The following WRN variants were observed in gnomAD, a reference collection of about 807,000 sequenced individuals.
WRN encodes the protein bifunctional 3'-5' exonuclease/ATP-dependent helicase WRN.
A neutral mutation model predicts 180.7 loss-of-function variants in WRN; 149 were observed. The ratio of observed to expected loss-of-function variants is 0.82; its 90% CI spans 0.72 to 0.94. The LOEUF is 0.94. Ranked by LOEUF, WRN falls within the 40% of genes least tolerant of loss-of-function variation. The probability of loss-of-function intolerance (pLI) is 0.00; values close to 1 mark genes in which losing one functional copy is unlikely to be tolerated. For missense variants in WRN, 1,661 were observed against 1,700.1 expected, an observed-to-expected ratio of 0.98 and a Z score of 0.40; for synonymous variants, 548 against 568.9, an observed-to-expected ratio of 0.96 and a Z score of 0.52.
chr8:31,146,135 G>C (rs1802847759), intron 28 of WRN, among the ~76,000 whole-genome samples: 1 of 151,672 alleles, frequency 6.6e-6, no homozygotes, highest in East Asian at 1.9e-4. Flanking sequence ...CCTGGCGTGT[G>C]CCTTCTTATT....
chr8:31,088,146 C>G (rs888875574), intron 12 of WRN, among the ~76,000 whole-genome samples: 2 of 152,130 alleles, frequency 1.3e-5, no homozygotes, highest in Non-Finnish European at 2.9e-5. Context: ...ATATCTTTCC[C>G]TTTGTTTTTT....
intron 19 of WRN, 141 bp downstream of exon 19, chr8:31,111,940 A>G: frequency 9.6e-7 from 1 of 1,036,852 alleles, no homozygotes; most frequent in Admixed American, 2.3e-5. Context: ...GGTTCAAGTC[A>G]AGCATGATGT....
intron 19 of WRN, among the ~76,000 whole-genome samples, chr8:31,115,701 G>A (rs757554669): frequency 6.6e-6 from 1 of 152,044 alleles, no homozygotes; most frequent in East Asian, 1.9e-4. Context: ...ATTTTTAGGC[G>A]TTAAGTAAAA....
In WRN at chr8:31,090,956, T is replaced by C. The variant is rs780773194; in HGVS notation, c.1829+14T>C. 6.3e-6 allele frequency: 10 copies of C among 1,578,586 alleles called. No homozygotes were observed. Among genetic ancestry groups the C allele is most frequent in the Middle Eastern group, 3.3e-4 (2 of 6,000 alleles). Reference sequence around the variant, plus strand: ...GCTACAGCTTAAGTAAGTCATGTTATCATTGCCACAATATCACCCTCTTTT... The same window carrying C: ...GCTACAGCTTAAGTAAGTCATGTTACCATTGCCACAATATCACCCTCTTTT... On this transcript the variant is annotated intron_variant, in intron 15 of 34. Coordinates refer to ENST00000298139, the MANE Select transcript of WRN (RefSeq NM_000553.6).
At chr8:31,139,555 C>A (rs1251822613) in intron 24 of WRN, among the ~76,000 whole-genome samples, 2 of 152,084 alleles carry the variant, frequency 1.3e-5, no homozygotes, top group Non-Finnish European at 2.9e-5. Flanking sequence ...AGCACCTAAC[C>A]CCAGACTACA....
Position 31,124,124 on chromosome 8 carries a change from A to G in WRN, c.2631-398A>G, listed in dbSNP as rs146059092. Among the ~76,000 whole-genome samples the G allele has an allele frequency of 3.8e-4, 58 of 152,268 alleles. No individual in the cohort carries two copies. The East Asian group carries it at 9.8e-3, about 26-fold the overall frequency. ...TGCTTTTAGTTTCTCATACAAAATA[A>G]AATAAAGAATAACCTTTTTACTGGG... On this transcript the variant is annotated intron_variant, in intron 21 of 34. Transcript: ENST00000298139.
At position 31,139,999 on chromosome 8, in the gene WRN, C is replaced by CTTTTT. The variant is rs1563375284; in HGVS notation, c.2968-1428_2968-1427insTTTTT. ...CATAAAGCTCTATGTTTGTATACTTCTTTGTTTTTTTTTTTTTTTTTTTTT... is the reference window on the plus strand; with the variant it reads ...CATAAAGCTCTATGTTTGTATACTTCTTTTTTTTGTTTTTTTTTTTTTTTTTTTTT... On this transcript the variant is annotated intron_variant, in intron 24 of 34. Transcript: ENST00000298139. Among the ~76,000 whole-genome samples the CTTTTT allele has an allele frequency of 2.8e-3, 206 of 74,742 alleles. 3 individuals carry two copies. The highest frequency in any genetic ancestry group is 0.01 in the African/African-American group (191 of 18,738). The allele number at this position is 74,742 out of a possible 152,430, so 49.0% of individuals were successfully genotyped here. A position where few individuals can be genotyped will look rare whatever the true frequency, so the allele number is the denominator to read the frequency against.
intron 34 of WRN, among the ~76,000 whole-genome samples, chr8:31,170,194 A>G (rs561682981): frequency 3.3e-5 from 5 of 152,142 alleles, no homozygotes; most frequent in East Asian, 3.9e-4. Context: ...AATGTCGACA[A>G]TGGATTTTGG....
chr8:31,174,123 T>C lies in WRN; in HGVS notation c.*1021T>C, dbSNP rs546577944. On this transcript the variant is annotated 3_prime_UTR_variant, in exon 35 of 35. Transcript: ENST00000298139. ...TGTATCCCACCAGACTTTTTTATAT[T>C]CATTTGTTTTTAGTTAAAATATAAA... is the stretch of plus-strand genomic sequence containing the variant. 6.6e-6 allele frequency among the ~76,000 whole-genome samples: 1 copy of C among 152,380 alleles called. No individual in the cohort carries two copies. The highest frequency in any genetic ancestry group is 2.1e-4 in the South Asian group (1 of 4,828).
chr8:31,043,206 A>G (rs1811722901), intron 1 of WRN, among the ~76,000 whole-genome samples: 1 of 152,198 alleles, frequency 6.6e-6, no homozygotes, highest in Admixed American at 6.5e-5. Context: ...ACTTGCATCA[A>G]CCATGACCAC....
At chr8:31,103,387 A>G (rs1585459737) in intron 18 of WRN, among the ~76,000 whole-genome samples, 1 of 152,250 alleles carries the variant, frequency 6.6e-6, no homozygotes, top group Non-Finnish European at 1.5e-5. Flanking sequence ...GTAGTGCAGT[A>G]GGTTTATTGA....
At chr8:31,152,425 G>C (rs1803175027) in intron 31 of WRN, among the ~76,000 whole-genome samples, 1 of 151,964 alleles carries the variant, frequency 6.6e-6, no homozygotes, top group South Asian at 2.1e-4. Flanking sequence ...AGGGTAGTTA[G>C]AAAATATCTA....
chr8:31,142,829 G>C, intron 27 of WRN, 128 bp downstream of exon 27: 1 of 791,714 alleles, frequency 1.3e-6, no homozygotes, highest in South Asian at 2.2e-5. Context: ...ATAAAATTCG[G>C]CCAGGGAAGT....
intron 23 of WRN, among the ~76,000 whole-genome samples, chr8:31,127,209 A>G (rs1801960617): frequency 6.6e-6 from 1 of 152,330 alleles, no homozygotes; most frequent in Middle Eastern, 3.4e-3. Context: ...TTTGAAACAT[A>G]AAACTATACT....
intron 8 of WRN, 81 bp from the exon 9 acceptor site, chr8:31,080,786 T>C: frequency 8.2e-7 from 1 of 1,216,348 alleles, no homozygotes. Flanking sequence ...AGAAAGCTTT[T>C]ACTTGTTAAA....
At chr8:31,044,342 C>A in intron 1 of WRN, among the ~76,000 whole-genome samples, 1 of 68,338 alleles carries the variant, frequency 1.5e-5, no homozygotes, top group African/African-American at 5.4e-5. Context: ...GCCCGACCTT[C>A]TTTTTTTTTT....
intron 11 of WRN, among the ~76,000 whole-genome samples, chr8:31,086,228 A>C (rs765438051): frequency 3.3e-5 from 5 of 151,996 alleles, no homozygotes; most frequent in African/African-American, 9.7e-5. Context: ...AATGAGATTA[A>C]TTTATTGACT....
chr8:31,117,006 A>T (rs1182998770), intron 20 of WRN, among the ~76,000 whole-genome samples: 1 of 152,190 alleles, frequency 6.6e-6, no homozygotes, highest in Non-Finnish European at 1.5e-5. Flanking sequence ...ACAAAGAGGC[A>T]GGGTGGAACC....
chr8:31,111,862 T>C (rs908402907), intron 19 of WRN, 63 bp downstream of exon 19: 55 of 1,552,600 alleles, frequency 3.5e-5, no homozygotes, highest in Middle Eastern at 2.0e-4. Flanking sequence ...TAACAACTTA[T>C]GTATTTTATG....
Sources: gnomAD v4.1 joint callset for allele counts (sites outside exome capture counted in the v4.1 genomes callset) on GRCh38, gnomAD v4.1.1 for gene constraint, MANE v1.5 for transcripts, NCBI Gene and HGNC (gene_info 2026-07-23, HGNC 2026-07-21) for gene names.